MYLK4: variants seen among roughly 807,000 people sequenced by gnomAD.
MYLK4 encodes the protein caMLCK like.
A neutral mutation model predicts 48.1 loss-of-function variants in MYLK4; 46 were observed. The ratio of observed to expected loss-of-function variants is 0.96; its 90% confidence interval spans 0.75 to 1.22. MYLK4 has a LOEUF of 1.22. MYLK4 is among the 50% of genes most tolerant of loss of function. The pLI is 0.00. For synonymous variants in MYLK4, 170 were observed against 180.8 expected (o/e 0.94, Z 0.48); for missense variants, 451 against 486.1 (o/e 0.93, Z 0.68).
At chr6:2,699,282 C>CTTTTTTTTTTTT (rs1762184790) in intron 2 of MYLK4, among the ~76,000 whole-genome samples, 1 of 63,580 alleles carries the variant, frequency 1.6e-5, no homozygotes, top group African/African-American at 6.1e-5. Flanking sequence ...CTTTTCTTTT[C>CTTTTTTTTTTTT]TTTTCTTTTT....
At chr6:2,758,950 C>T in the MYLK4 span, among the ~76,000 whole-genome samples, 1 of 152,222 alleles carries the variant, frequency 6.6e-6, no homozygotes, top group South Asian at 2.1e-4. Flanking sequence ...GAAGTACACA[C>T]ACTTAAATGT....
the MYLK4 span, among the ~76,000 whole-genome samples, chr6:2,766,956 T>C: frequency 6.6e-6 from 1 of 152,266 alleles, no homozygotes; most frequent in African/African-American, 2.4e-5. Flanking sequence ...TAAGAATAAG[T>C]TTATTTAACA....
intron 2 of MYLK4, among the ~76,000 whole-genome samples, chr6:2,731,536 C>T (rs1763480452): frequency 6.6e-6 from 1 of 152,176 alleles, no homozygotes; most frequent in Admixed American, 6.5e-5. Flanking sequence ...TGAAACTTCA[C>T]CTGCTCAGAG....
intron 2 of MYLK4, among the ~76,000 whole-genome samples, chr6:2,725,115 C>T (rs1443041410): frequency 6.6e-6 from 1 of 152,190 alleles, no homozygotes; most frequent in Non-Finnish European, 1.5e-5. Context: ...AGCCCCACTG[C>T]ACTCCAGCCT....
At chr6:2,761,910 T>C in the MYLK4 span, among the ~76,000 whole-genome samples, 1 of 152,108 alleles carries the variant, frequency 6.6e-6, no homozygotes, top group Non-Finnish European at 1.5e-5. Context: ...CTATATACAT[T>C]AGGTTTTGTT....
At chr6:2,713,765 T>C (rs1762767495) in intron 2 of MYLK4, among the ~76,000 whole-genome samples, 1 of 152,174 alleles carries the variant, frequency 6.6e-6, no homozygotes, top group Admixed American at 6.5e-5. Context: ...CTTTTAAAGG[T>C]TGTATCCCAT....
chr6:2,754,662 C>G (rs2113395165), upstream of MYLK4, among the ~76,000 whole-genome samples: 1 of 152,214 alleles, frequency 6.6e-6, no homozygotes, highest in African/African-American at 2.4e-5. Flanking sequence ...GTAAATTATA[C>G]TTCAATAGAG....
intron 2 of MYLK4, among the ~76,000 whole-genome samples, chr6:2,734,028 A>C (rs1282049747): frequency 1.3e-5 from 2 of 152,160 alleles, no homozygotes; most frequent in Non-Finnish European, 2.9e-5. Flanking sequence ...AACGGACCAC[A>C]GACTCCAGAC....
intron 2 of MYLK4, among the ~76,000 whole-genome samples, chr6:2,744,996 A>G (rs1764027414): frequency 6.6e-6 from 1 of 152,128 alleles, no homozygotes; most frequent in Non-Finnish European, 1.5e-5. Context: ...TATACTTGGG[A>G]CCATGCCTTT....
the MYLK4 span, among the ~76,000 whole-genome samples, chr6:2,767,018 A>G: frequency 6.6e-6 from 1 of 152,224 alleles, no homozygotes; most frequent in African/African-American, 2.4e-5. Context: ...TCATGTATTT[A>G]CAAAACTAAC....
intron 2 of MYLK4, among the ~76,000 whole-genome samples, chr6:2,709,085 C>G (rs1762587452): frequency 6.6e-6 from 1 of 152,164 alleles, no homozygotes; most frequent in African/African-American, 2.4e-5. Context: ...CATCATAACC[C>G]TCTATCGGTC....
chr6:2,711,050 C>A (rs1029362352), intron 2 of MYLK4, among the ~76,000 whole-genome samples: 1 of 152,208 alleles, frequency 6.6e-6, no homozygotes, highest in Non-Finnish European at 1.5e-5. Context: ...TGTGGCCATT[C>A]TGCTGGCTTA....
intron 4 of MYLK4, among the ~76,000 whole-genome samples, chr6:2,686,022 C>T (rs1451651892): frequency 2.7e-5 from 4 of 147,872 alleles, no homozygotes; most frequent in South Asian, 2.1e-4. Flanking sequence ...GGGCCGAGAT[C>T]GCGCCATTGC....
At chr6:2,737,280 T>G (rs1435107725) in intron 2 of MYLK4, among the ~76,000 whole-genome samples, 4 of 152,244 alleles carry the variant, frequency 2.6e-5, no homozygotes, top group Admixed American at 6.5e-5. Flanking sequence ...GCCACCGCAC[T>G]CCAGCCTGGC....
At chr6:2,763,362 C>G in the MYLK4 span, among the ~76,000 whole-genome samples, 1 of 152,238 alleles carries the variant, frequency 6.6e-6, no homozygotes. Context: ...GGGTGGTGAA[C>G]GGCCCTGGGT....
At chr6:2,679,003 T>C (rs574118352) in intron 9 of MYLK4, among the ~76,000 whole-genome samples, 1 of 152,178 alleles carries the variant, frequency 6.6e-6, no homozygotes, top group Non-Finnish European at 1.5e-5. Context: ...CGCCAGGCCA[T>C]GTGAGCTTTT....
chr6:2,729,384 C>A (rs1763396551), intron 2 of MYLK4, among the ~76,000 whole-genome samples: 1 of 152,240 alleles, frequency 6.6e-6, no homozygotes, highest in Non-Finnish European at 1.5e-5. Flanking sequence ...GATGCCAAGG[C>A]AGGTCGGCTG....
chr6:2,688,663 A>C (rs1761655101), intron 4 of MYLK4, among the ~76,000 whole-genome samples, 188 bp downstream of exon 4: 1 of 152,224 alleles, frequency 6.6e-6, no homozygotes, highest in Non-Finnish European at 1.5e-5. Context: ...AGCAGATAAT[A>C]AATGTGGAGT....
intron 9 of MYLK4, 99 bp downstream of exon 9, chr6:2,679,181 T>C: frequency 7.0e-7 from 1 of 1,428,084 alleles, no homozygotes; most frequent in Admixed American, 1.9e-5. Context: ...GTTATTTATT[T>C]TTTAAATACC....
Sources: gnomAD v4.1 joint callset for allele counts (sites outside exome capture counted in the v4.1 genomes callset) on GRCh38, gnomAD v4.1.1 for gene constraint, MANE v1.5 for transcripts, NCBI Gene and HGNC (gene_info 2026-07-23, HGNC 2026-07-21) for gene names.